The following AKAP6 variants were observed in gnomAD, a reference collection of about 807,000 sequenced individuals.
The protein encoded by AKAP6 is A-kinase anchoring protein 6, also known as A-kinase anchor protein 6.
AKAP6 carries 58 observed loss-of-function variants against 188.5 expected under a neutral mutation model. The observed-to-expected ratio is 0.31, with a 90% CI of 0.25 to 0.38. The LOEUF (loss-of-function observed/expected upper bound fraction) is 0.38. Ranked by LOEUF, AKAP6 falls within the 10% of genes least tolerant of loss-of-function variation. The pLI is 1.00. For synonymous variants in AKAP6, 989 were observed against 998.6 expected, an observed-to-expected ratio of 0.99 and a Z score of 0.18; for missense variants, 2,710 against 2,740.0, an observed-to-expected ratio of 0.99 and a Z score of 0.24.
At chr14:32,539,456 A>C (rs148069338) in intron 3 of AKAP6, among the ~76,000 whole-genome samples, 46 of 152,260 alleles carry the variant, frequency 3.0e-4, no homozygotes, top group African/African-American at 1.1e-3. Context: ...CATGAGGGTT[A>C]GTTCCAGATT....
intron 8 of AKAP6, among the ~76,000 whole-genome samples, chr14:32,690,254 T>C (rs953940608): frequency 6.6e-6 from 1 of 151,808 alleles, no homozygotes; most frequent in Non-Finnish European, 1.5e-5. Context: ...GTGAGCCCAG[T>C]TGAAACCTCA....
At chr14:32,513,269 G>A (rs1346343117) in intron 2 of AKAP6, among the ~76,000 whole-genome samples, 1 of 152,128 alleles carries the variant, frequency 6.6e-6, no homozygotes, top group Non-Finnish European at 1.5e-5. Context: ...GAGTGAGTAA[G>A]GTTCACATTC....
intron 13 of AKAP6, among the ~76,000 whole-genome samples, chr14:32,825,465 A>G (rs146120808): frequency 6.6e-6 from 1 of 152,348 alleles, no homozygotes; most frequent in Non-Finnish European, 1.5e-5. Flanking sequence ...ATGCAGAGAG[A>G]ATACATGACA....
intron 13 of AKAP6, among the ~76,000 whole-genome samples, 184 bp from the exon 14 acceptor site, chr14:32,829,662 CTT>C (rs1013608387): frequency 1.3e-5 from 2 of 151,356 alleles, no homozygotes; most frequent in Middle Eastern, 3.4e-3. Flanking sequence ...TACGCTGAGA[CTT>C]TTTTTGTCAG....
In AKAP6 at chr14:32,546,813, T is replaced by A; in HGVS notation, c.2160T>A (p.Ile720=). The A allele has an allele frequency of 6.2e-7, 1 of 1,614,074 alleles. No homozygotes were observed. The highest frequency in any genetic ancestry group is 8.5e-7 in the Non-Finnish European group (1 of 1,180,000). Residue 720 remains isoleucine (I), a synonymous_variant, in exon 4 of 14, where the codon ATT becomes ATA. Transcript: ENST00000280979. ...TTGAATCTGGGCCCCTGAGTGACAT[T>A]CTTTCTGATGAGGAGTCCAGTATGC... is the stretch of plus-strand genomic sequence containing the variant. ...ESIESGPLSD[I]LSDEESSMPL... is the part of the protein sequence containing the mutation.
chr14:32,458,326 G>T (rs191432469), intron 2 of AKAP6, among the ~76,000 whole-genome samples: 1 of 152,050 alleles, frequency 6.6e-6, no homozygotes, highest in South Asian at 2.1e-4. Flanking sequence ...TTAACTTCTG[G>T]TATGTTGTTT....
At chr14:32,626,387 T>C (rs191929476) in intron 7 of AKAP6, among the ~76,000 whole-genome samples, 8 of 152,186 alleles carry the variant, frequency 5.3e-5, no homozygotes, top group Non-Finnish European at 1.0e-4. Flanking sequence ...TACTAATCAC[T>C]CTACCTTCAT....
At chr14:32,344,934 AAAAG>A (rs1887017733) in intron 1 of AKAP6, among the ~76,000 whole-genome samples, 2 of 151,592 alleles carry the variant, frequency 1.3e-5, no homozygotes, top group East Asian at 1.9e-4. Context: ...AAAAAAAAAA[AAAAG>A]AGAGAGAGTA....
At chr14:32,712,148 A>T (rs946875543) in intron 9 of AKAP6, among the ~76,000 whole-genome samples, 1 of 152,046 alleles carries the variant, frequency 6.6e-6, no homozygotes, top group Non-Finnish European at 1.5e-5. Flanking sequence ...AAAGCAAGTC[A>T]CGTGAATCTT....
intron 8 of AKAP6, among the ~76,000 whole-genome samples, chr14:32,679,666 C>T (rs1889589224): frequency 6.6e-6 from 1 of 152,086 alleles, no homozygotes; most frequent in African/African-American, 2.4e-5. Context: ...CTCCTGTATT[C>T]TTAGTCATTC....
intron 1 of AKAP6, among the ~76,000 whole-genome samples, chr14:32,412,492 T>C (rs1889521925): frequency 6.6e-6 from 1 of 152,198 alleles, no homozygotes; most frequent in African/African-American, 2.4e-5. Flanking sequence ...TACTTACTAC[T>C]CTCCCCTTTT....
intron 8 of AKAP6, among the ~76,000 whole-genome samples, chr14:32,690,710 T>A (rs1464495232): frequency 6.6e-6 from 1 of 152,164 alleles, no homozygotes; most frequent in Non-Finnish European, 1.5e-5. Context: ...TCTGTTTAGA[T>A]GCTTAAACTA....
intron 7 of AKAP6, among the ~76,000 whole-genome samples, chr14:32,659,540 T>C (rs1206355899): frequency 6.6e-6 from 1 of 152,024 alleles, no homozygotes; most frequent in Non-Finnish European, 1.5e-5. Flanking sequence ...TAATTAAAAA[T>C]ATAGATTACT....
In AKAP6 at chr14:32,546,219, A is replaced by T; in HGVS notation, c.1566A>T (p.Lys522Asn). 6 of 1,614,152 alleles carry T rather than the reference A, an allele frequency of 3.7e-6. No homozygotes were observed. The highest frequency in any genetic ancestry group is 4.2e-6 in the Non-Finnish European group (5 of 1,180,024). Reference protein sequence around the residue: ...KRGTGSGKQAKNTKSSAVPNG... With the variant: ...KRGTGSGKQANNTKSSAVPNG... ...GGACTGGTTCAGGCAAACAAGCTAA[A>T]AATACAAAGAGCTCAGCAGTGCCAA... The change falls in exon 4 of 14, where the codon AAA becomes AAT. Residue 522 changes from lysine to asparagine, a missense_variant. Lys to Asn is a moderately conservative substitution (Grantham distance 94, BLOSUM62 0). Coordinates refer to ENST00000280979, the MANE Select transcript of AKAP6 (RefSeq NM_004274.5).
intron 12 of AKAP6, among the ~76,000 whole-genome samples, chr14:32,793,081 G>T (rs1380603985): frequency 2.0e-5 from 3 of 152,106 alleles, no homozygotes; most frequent in Non-Finnish European, 2.9e-5. Flanking sequence ...ACACACTGAA[G>T]TACACAGACC....
intron 11 of AKAP6, among the ~76,000 whole-genome samples, chr14:32,769,189 A>G (rs1024443137): frequency 1.7e-4 from 26 of 151,288 alleles, no homozygotes; most frequent in Non-Finnish European, 3.1e-4. Flanking sequence ...CTGGGATTAC[A>G]GGCACCCACC....
chr14:32,602,424 G>A (rs890665176), intron 7 of AKAP6, among the ~76,000 whole-genome samples: 2 of 152,104 alleles, frequency 1.3e-5, no homozygotes, highest in Admixed American at 6.5e-5. Flanking sequence ...CAGCCCAGGA[G>A]TTTGAGGCTG....
chr14:32,389,449 T>C (rs750363461), intron 1 of AKAP6, among the ~76,000 whole-genome samples: 4 of 152,118 alleles, frequency 2.6e-5, no homozygotes, highest in Non-Finnish European at 5.9e-5. Flanking sequence ...TCCTGTGAGA[T>C]TTATGCTTTA....
chr14:32,830,009 G>A lies in AKAP6; in HGVS notation c.*204G>A. On this transcript the variant is annotated 3_prime_UTR_variant, in exon 14 of 14. Coordinates refer to ENST00000280979, the MANE Select transcript of AKAP6 (RefSeq NM_004274.5). ...CACAAGCCTTGTGATCTGAATGTGT[G>A]CGCTGGTTCTCTTTAGGTGATCGTC... The A allele has an allele frequency of 2.9e-6, 2 of 701,544 alleles. No homozygotes were observed. The highest frequency in any genetic ancestry group is 5.2e-6 in the Non-Finnish European group (2 of 384,186). The allele number at this position is 701,544 out of a possible 1,614,324, so 43.5% of individuals were successfully genotyped here.
Sources: gnomAD v4.1 joint callset for allele counts (sites outside exome capture counted in the v4.1 genomes callset) on GRCh38, gnomAD v4.1.1 for gene constraint, MANE v1.5 for transcripts, NCBI Gene and HGNC (gene_info 2026-07-23, HGNC 2026-07-21) for gene names.